Variants in ANKFN1 observed in about 807,000 individuals in gnomAD.
The protein encoded by ANKFN1 is ankyrin repeat and fibronectin type III domain containing 1.
In ANKFN1, 74 loss-of-function variants were observed where a neutral mutation model predicts 108.7. That is an observed-to-expected ratio of 0.68 (90% CI 0.56 to 0.83). The LOEUF is 0.83. Ranked by LOEUF, ANKFN1 falls within the 40% of genes least tolerant of loss-of-function variation. The probability of loss-of-function intolerance (pLI) is 0.00; values close to 1 mark genes in which losing one functional copy is unlikely to be tolerated. For synonymous variants in ANKFN1, 547 were observed against 516.2 expected (o/e 1.06, Z -0.81); for missense variants, 1,505 against 1,382.3 (o/e 1.09, Z -1.41).
intron 1 of ANKFN1, among the ~76,000 whole-genome samples, chr17:56,184,035 G>A (rs141213762): frequency 2.0e-5 from 3 of 152,280 alleles, no homozygotes; most frequent in Non-Finnish European, 4.4e-5. Flanking sequence ...TGCTGTGAAC[G>A]TTGTTGAAGT....
intron 2 of ANKFN1, among the ~76,000 whole-genome samples, chr17:56,217,152 G>T (rs1915483454): frequency 2.0e-5 from 3 of 152,072 alleles, no homozygotes; most frequent in Admixed American, 1.3e-4. Context: ...TGTCATTAAA[G>T]GACCTCCCTC....
chr17:56,086,403 C>T (rs1257438122), intron 4 of ANKFN1, among the ~76,000 whole-genome samples: 1 of 151,344 alleles, frequency 6.6e-6, no homozygotes. Flanking sequence ...AAAACTCCAT[C>T]TCAAAAATCA....
intron 4 of ANKFN1, among the ~76,000 whole-genome samples, chr17:56,129,740 G>C (rs1452493914): frequency 4.6e-4 from 70 of 152,286 alleles, no homozygotes; most frequent in Non-Finnish European, 1.5e-5. Context: ...ATAGTATGGA[G>C]CCAGCCTATT....
chr17:56,392,909 A>C (rs2047480356), intron 8 of ANKFN1, among the ~76,000 whole-genome samples: 1 of 152,064 alleles, frequency 6.6e-6, no homozygotes, highest in Non-Finnish European at 1.5e-5. Flanking sequence ...CATATGCAAA[A>C]GCTCCCTGAT....
chr17:56,176,151 T>C (rs1360818634), intron 1 of ANKFN1, among the ~76,000 whole-genome samples: 1 of 152,074 alleles, frequency 6.6e-6, no homozygotes, highest in East Asian at 1.9e-4. Context: ...TGCATTTTTC[T>C]AGTAAATGAT....
chr17:56,315,041 A>G (rs1289734781), intron 3 of ANKFN1, among the ~76,000 whole-genome samples: 2 of 152,132 alleles, frequency 1.3e-5, no homozygotes, highest in African/African-American at 4.8e-5. Flanking sequence ...TCAGGTGCAA[A>G]TGTGTTTCAC....
chr17:56,089,642 AATAG>A (rs1905376741), intron 4 of ANKFN1, among the ~76,000 whole-genome samples: 1 of 151,396 alleles, frequency 6.6e-6, no homozygotes, highest in African/African-American at 2.4e-5. Flanking sequence ...AATTCAATTA[AATAG>A]ATGTATTTTG....
chr17:56,393,325 C>A (rs971410114), intron 8 of ANKFN1, among the ~76,000 whole-genome samples: 1 of 152,102 alleles, frequency 6.6e-6, no homozygotes, highest in African/African-American at 2.4e-5. Flanking sequence ...CCCAATAAAC[C>A]CTTAGTCATC....
chr17:56,319,218 A>T (rs1174273877), intron 3 of ANKFN1, among the ~76,000 whole-genome samples: 4 of 152,170 alleles, frequency 2.6e-5, no homozygotes, highest in African/African-American at 9.7e-5. Flanking sequence ...TTCCGTGCCT[A>T]CTGGTGAAGA....
chr17:56,159,789 AAGAT>A (rs780129495), intron 1 of ANKFN1, among the ~76,000 whole-genome samples: 53 of 152,324 alleles, frequency 3.5e-4, no homozygotes, highest in Non-Finnish European at 3.5e-4. Context: ...GTTGGACAGA[AAGAT>A]AGAGGGGCAG....
At chr17:56,064,271 G>A (rs761342558) in intron 4 of ANKFN1, among the ~76,000 whole-genome samples, 9 of 152,216 alleles carry the variant, frequency 5.9e-5, no homozygotes, top group Admixed American at 1.3e-4. Flanking sequence ...GAAGGGGTGT[G>A]CTGTGCTGGG....
intron 8 of ANKFN1, among the ~76,000 whole-genome samples, chr17:56,435,748 G>GTT (rs11424978): frequency 2.4e-3 from 361 of 149,616 alleles, no homozygotes; most frequent in East Asian, 4.7e-3. Flanking sequence ...TTTATGAGGT[G>GTT]TTTTTTTTTT....
chr17:56,404,532 T>G (rs778833226), intron 8 of ANKFN1, among the ~76,000 whole-genome samples: 3 of 152,178 alleles, frequency 2.0e-5, no homozygotes, highest in Non-Finnish European at 4.4e-5. Context: ...CTTCAAGCGA[T>G]CTATGTCCTT....
intron 1 of ANKFN1, among the ~76,000 whole-genome samples, chr17:56,178,771 C>T (rs746818501): frequency 3.3e-5 from 5 of 152,082 alleles, no homozygotes; most frequent in Non-Finnish European, 7.4e-5. Flanking sequence ...AGCAGAACTT[C>T]TCAGACGTTT....
At chr17:56,343,824 C>T (rs933772297) in intron 4 of ANKFN1, among the ~76,000 whole-genome samples, 1 of 151,880 alleles carries the variant, frequency 6.6e-6, no homozygotes, top group Non-Finnish European at 1.5e-5. Context: ...TTTGCTGATT[C>T]TTTCCTCTGC....
chr17:56,354,678 C>A (rs1365685659), intron 6 of ANKFN1, among the ~76,000 whole-genome samples: 1 of 152,204 alleles, frequency 6.6e-6, no homozygotes, highest in African/African-American at 2.4e-5. Context: ...ATTGACCAAT[C>A]TCTCACAATC....
chr17:56,341,460 T>C (rs1272567534), intron 4 of ANKFN1, among the ~76,000 whole-genome samples: 1 of 152,154 alleles, frequency 6.6e-6, no homozygotes, highest in African/African-American at 2.4e-5. Context: ...ATGGCTCTTA[T>C]TATTTTGAGG....
intron 15 of ANKFN1, among the ~76,000 whole-genome samples, chr17:56,476,655 T>C (rs958726264): frequency 3.3e-5 from 5 of 152,222 alleles, no homozygotes; most frequent in African/African-American, 1.2e-4. Context: ...GGTAGACCAG[T>C]TAAGGATTTG....
chr17:56,438,510 A>G (rs984941924), intron 8 of ANKFN1, among the ~76,000 whole-genome samples: 9 of 152,210 alleles, frequency 5.9e-5, no homozygotes, highest in African/African-American at 2.2e-4. Context: ...TACTAGGTGG[A>G]GGAATAAAAT....
Sources: allele counts gnomAD v4.1 joint callset (sites outside exome capture counted in the v4.1 genomes callset), GRCh38; gene constraint gnomAD v4.1.1; transcripts MANE v1.5; gene names NCBI Gene and HGNC (gene_info 2026-07-23, HGNC 2026-07-21).